Variants in IRGM observed in about 807,000 individuals in gnomAD.
IRGM encodes immunity-related GTPase family M protein.
For synonymous variants in IRGM, 98 were observed against 80.6 expected (o/e 1.22, Z -1.16); for missense variants, 288 against 219.9 (o/e 1.31, Z -1.96).
At chr5:150,866,758 C>G (rs1450305628) in intron 1 of IRGM, among the ~76,000 whole-genome samples, 1 of 152,130 alleles carries the variant, frequency 6.6e-6, no homozygotes. Flanking sequence ...CATTCATTTA[C>G]CGTTTTCCAA....
chr5:150,891,046 G>T (rs1754601325), intron 3 of IRGM, among the ~76,000 whole-genome samples: 1 of 151,986 alleles, frequency 6.6e-6, no homozygotes, highest in Non-Finnish European at 1.5e-5. Context: ...ATTTCTAACT[G>T]TAATTGTGGA....
rs528384601 is a variant in IRGM at position 150,882,279 on chromosome 5, A to G, written c.*140+2633A>G. Among the ~76,000 whole-genome samples the G allele has an allele frequency of 3.3e-4, 46 of 140,196 alleles. No homozygotes were observed. The East Asian group carries it at 0.011, about 32-fold the overall frequency. 92.0% of individuals were successfully genotyped at this position (140,196 alleles called of 152,430 possible). A position where few individuals can be genotyped will look rare whatever the true frequency, so the allele number is the denominator to read the frequency against. On this transcript the variant is annotated intron_variant and NMD_transcript_variant, in intron 3 of 3. Transcript: ENST00000520549. ...ATGCTGTAAAGAAAATCACCTAACCACTAAAAAAGATAGCAAGAGAGGAAG... is the reference window on the plus strand; with the variant it reads ...ATGCTGTAAAGAAAATCACCTAACCGCTAAAAAAGATAGCAAGAGAGGAAG...
chr5:150,893,157 TA>T (rs1754643122), intron 3 of IRGM, among the ~76,000 whole-genome samples: 1 of 152,144 alleles, frequency 6.6e-6, no homozygotes, highest in Non-Finnish European at 1.5e-5. Context: ...TTCTTTGTTT[TA>T]CCCATTTGGA....
At chr5:150,875,979 A>G (rs1754356789) in intron 1 of IRGM, among the ~76,000 whole-genome samples, 1 of 152,156 alleles carries the variant, frequency 6.6e-6, no homozygotes, top group South Asian at 2.1e-4. Flanking sequence ...GGACTCACAG[A>G]ATGCCTTATC....
chr5:150,878,832 T>C (rs1163259952), intron 2 of IRGM, among the ~76,000 whole-genome samples: 2 of 151,898 alleles, frequency 1.3e-5, no homozygotes, highest in Non-Finnish European at 1.5e-5. Flanking sequence ...TATTGTCTCT[T>C]AGGATTCTTT....
intron 3 of IRGM, among the ~76,000 whole-genome samples, chr5:150,891,596 T>C (rs1232419056): frequency 6.6e-6 from 1 of 152,164 alleles, no homozygotes; most frequent in Non-Finnish European, 1.5e-5. Flanking sequence ...CTACACATTT[T>C]TAGCTTTTCC....
intron 1 of IRGM, among the ~76,000 whole-genome samples, chr5:150,866,478 G>C (rs906731716): frequency 2.0e-5 from 3 of 152,212 alleles, no homozygotes; most frequent in South Asian, 2.1e-4. Flanking sequence ...TGCAGTGACA[G>C]ATGCCATTAT....
downstream of IRGM, among the ~76,000 whole-genome samples, chr5:150,850,796 C>G (rs987519092): frequency 6.6e-6 from 1 of 152,148 alleles, no homozygotes; most frequent in African/African-American, 2.4e-5. Flanking sequence ...TTTCCACCCC[C>G]TGTAGTGAGA....
chr5:150,849,158 C>G (rs1254316120), downstream of IRGM, among the ~76,000 whole-genome samples: 1 of 152,090 alleles, frequency 6.6e-6, no homozygotes, highest in African/African-American at 2.4e-5. Context: ...ATAATAAAGA[C>G]TTCTGGGCTT....
chr5:150,896,318 AC>A (rs1561755401), intron 3 of IRGM: 1 of 1,613,632 alleles, frequency 6.2e-7, no homozygotes, highest in South Asian at 1.1e-5. Flanking sequence ...GAAACTTCTC[AC>A]TGAAGGCTTT....
At chr5:150,852,494 A>G (rs970199447), downstream of IRGM, among the ~76,000 whole-genome samples, 20 of 152,154 alleles carry the variant, frequency 1.3e-4, no homozygotes, top group African/African-American at 4.8e-4. Flanking sequence ...AGCCCATTTT[A>G]GATAATCATC....
chr5:150,866,483 C>G (rs1004092804), intron 1 of IRGM, among the ~76,000 whole-genome samples: 4 of 152,096 alleles, frequency 2.6e-5, no homozygotes. Context: ...TGACAGATGC[C>G]ATTATGGACA....
At chr5:150,873,683 C>T (rs766900529) in intron 1 of IRGM, among the ~76,000 whole-genome samples, 5 of 152,138 alleles carry the variant, frequency 3.3e-5, no homozygotes, top group African/African-American at 4.8e-5. Context: ...GTGGTCATTT[C>T]CCCAGTGCTG....
At position 150,848,219 on chromosome 5, in the gene IRGM, AC is replaced by A; in HGVS notation, c.98del (p.Pro33GlnfsTer37). The A allele has an allele frequency of 6.4e-7, 1 of 1,551,812 alleles. No homozygotes were observed. The highest frequency in any genetic ancestry group is 8.7e-7 in the Non-Finnish European group (1 of 1,146,948). On this transcript the variant is annotated frameshift_variant, in exon 2 of 2. Coordinates refer to ENST00000522154, the MANE Select transcript of IRGM (RefSeq NM_001145805.2). LOFTEE classifies it low-confidence loss of function (END_TRUNC). ...AGACTCTGAAGATAGTGTCCAGGAC[AC>A]CAGTTAACATCACTATGGCAGGGGA... ...KETLKIVSRTPVNITMAGDSG... is the reference protein window; with the variant it reads ...KETLKIVSRTXVNITMAGDSG...
chr5:150,850,886 G>A (rs1753965756), downstream of IRGM, among the ~76,000 whole-genome samples: 1 of 152,206 alleles, frequency 6.6e-6, no homozygotes, highest in Non-Finnish European at 1.5e-5. Context: ...AAAGACGGAT[G>A]AAGGATTCTT....
In IRGM at chr5:150,896,935, A is replaced by G. The variant is rs146644574; in HGVS notation, c.*141-3654A>G. 1.6e-3 allele frequency: 2,517 copies of G among 1,613,100 alleles called. 4 individuals carry two copies. Among genetic ancestry groups the G allele is most frequent in the Non-Finnish European group, 2.0e-3 (2,417 of 1,179,512 alleles). Reference sequence around the variant, plus strand: ...TTATGATGGAAGGAAACTGTCCCCAAAATACATGACTGGGAGTTGTGAAGG... The same window carrying G: ...TTATGATGGAAGGAAACTGTCCCCAGAATACATGACTGGGAGTTGTGAAGG... On this transcript the variant is annotated intron_variant and NMD_transcript_variant, in intron 3 of 3. Transcript: ENST00000520549.
intron 1 of IRGM, among the ~76,000 whole-genome samples, chr5:150,868,991 A>G (rs1253227583): frequency 6.6e-6 from 1 of 151,832 alleles, no homozygotes; most frequent in African/African-American, 2.4e-5. Flanking sequence ...CTCTTTTCTG[A>G]TTGCTCTGGC....
intron 3 of IRGM, among the ~76,000 whole-genome samples, chr5:150,885,360 C>G (rs950341344): frequency 1.3e-5 from 2 of 151,942 alleles, no homozygotes; most frequent in Non-Finnish European, 2.9e-5. Context: ...ATGCCTCCAG[C>G]TTTGTTCTTT....
chr5:150,856,797 C>T (rs1754058436), intron 1 of IRGM, among the ~76,000 whole-genome samples: 1 of 150,850 alleles, frequency 6.6e-6, no homozygotes, highest in South Asian at 2.1e-4. Flanking sequence ...CCCTCTTCCT[C>T]ATCCATATAC....
Sources: allele counts gnomAD v4.1 joint callset (sites outside exome capture counted in the v4.1 genomes callset), GRCh38; gene constraint gnomAD v4.1.1; transcripts MANE v1.5; gene names NCBI Gene and HGNC (gene_info 2026-07-23, HGNC 2026-07-21).